KCNN2: variants seen among roughly 807,000 people sequenced by gnomAD.
The protein encoded by KCNN2 is small conductance calcium-activated potassium channel protein 2.
Under a neutral mutation model 55.5 loss-of-function variants are expected in KCNN2, and 24 were observed. That is an observed-to-expected ratio of 0.43 (90% CI 0.31 to 0.61). The LOEUF (loss-of-function observed/expected upper bound fraction) is 0.61. Ranked by LOEUF, KCNN2 falls within the 20% of genes least tolerant of loss-of-function variation. The pLI, the probability that KCNN2 is intolerant of heterozygous loss-of-function variation, is 0.08. For missense variants in KCNN2, 754 were observed against 853.6 expected, an observed-to-expected ratio of 0.88 and a Z score of 1.45; for synonymous variants, 431 against 336.1, an observed-to-expected ratio of 1.28 and a Z score of -3.09.
chr5:114,123,847 G>C (rs1374201530), intron 1 of KCNN2, among the ~76,000 whole-genome samples: 1 of 151,974 alleles, frequency 6.6e-6, no homozygotes, highest in African/African-American at 2.4e-5. Flanking sequence ...TGTCCCCTTG[G>C]GGACTCCCTG....
At chr5:114,460,135 A>T (rs1761125272) in intron 3 of KCNN2, among the ~76,000 whole-genome samples, 1 of 152,184 alleles carries the variant, frequency 6.6e-6, no homozygotes, top group Admixed American at 6.5e-5. Flanking sequence ...ACGGCCATGA[A>T]GGTACCCCCT....
intron 1 of KCNN2, among the ~76,000 whole-genome samples, chr5:114,173,709 C>T (rs1174519433): frequency 6.6e-6 from 1 of 150,728 alleles, no homozygotes; most frequent in Non-Finnish European, 1.5e-5. Context: ...TCCTTTAGTT[C>T]TTTTGTTAAT....
intron 2 of KCNN2, among the ~76,000 whole-genome samples, chr5:114,284,085 A>G (rs1345469477): frequency 2.6e-5 from 4 of 152,138 alleles, no homozygotes; most frequent in Non-Finnish European, 2.9e-5. Flanking sequence ...TTTTCACTTT[A>G]AAGAACTCCA....
intron 2 of KCNN2, among the ~76,000 whole-genome samples, chr5:114,266,346 TG>T (rs1755206911): frequency 6.6e-6 from 1 of 152,156 alleles, no homozygotes; most frequent in Non-Finnish European, 1.5e-5. Context: ...TATTCTGGTG[TG>T]GGTTTTAGAC....
chr5:114,163,354 T>C (rs1752835575), intron 1 of KCNN2, among the ~76,000 whole-genome samples: 1 of 152,164 alleles, frequency 6.6e-6, no homozygotes, highest in South Asian at 2.1e-4. Context: ...AGAAAGGGCA[T>C]CCTTGTGGCA....
At chr5:114,337,664 G>A (rs926562143) in intron 2 of KCNN2, among the ~76,000 whole-genome samples, 2 of 152,102 alleles carry the variant, frequency 1.3e-5, no homozygotes, top group African/African-American at 4.8e-5. Flanking sequence ...ATAATATCAA[G>A]TTGGTCTTGG....
At chr5:114,458,327 C>T (rs1761021988) in intron 3 of KCNN2, among the ~76,000 whole-genome samples, 1 of 152,176 alleles carries the variant, frequency 6.6e-6, no homozygotes, top group Non-Finnish European at 1.5e-5. Context: ...CTGTTAACCT[C>T]CACGACTGAA....
At chr5:114,370,819 C>T (rs896418668) in intron 2 of KCNN2, among the ~76,000 whole-genome samples, 33 of 151,988 alleles carry the variant, frequency 2.2e-4, no homozygotes, top group Non-Finnish European at 1.9e-4. Context: ...ATGGATTCCG[C>T]CCCCCACCCC....
At chr5:114,152,794 G>A (rs1752553528) in intron 1 of KCNN2, among the ~76,000 whole-genome samples, 1 of 152,128 alleles carries the variant, frequency 6.6e-6, no homozygotes, top group Admixed American at 6.6e-5. Context: ...ACACGTGTCT[G>A]GAAGAGATGC....
At chr5:114,318,755 T>C (rs1756553053) in intron 2 of KCNN2, among the ~76,000 whole-genome samples, 1 of 152,150 alleles carries the variant, frequency 6.6e-6, no homozygotes, top group Non-Finnish European at 1.5e-5. Flanking sequence ...GTATAAATCA[T>C]AGTTACAGTT....
At chr5:114,488,958 G>A (rs1001112139) in intron 6 of KCNN2, 1 of 152,146 alleles carries the variant, frequency 6.6e-6, no homozygotes, top group African/African-American at 2.4e-5. Flanking sequence ...AGCAAGTGTG[G>A]TCGGTCTGTG....
At chr5:114,338,265 TAGTA>T (rs528601675) in intron 2 of KCNN2, among the ~76,000 whole-genome samples, 1 of 152,308 alleles carries the variant, frequency 6.6e-6, no homozygotes, top group Non-Finnish European at 1.5e-5. Context: ...GGACTTGAAT[TAGTA>T]ATAAGCACAG....
chr5:114,432,977 C>T (rs1360890621), intron 3 of KCNN2, among the ~76,000 whole-genome samples: 1 of 152,188 alleles, frequency 6.6e-6, no homozygotes, highest in Non-Finnish European at 1.5e-5. Flanking sequence ...CCTCCATGGG[C>T]TCCTGTGCGG....
intron 1 of KCNN2, among the ~76,000 whole-genome samples, chr5:114,176,816 C>G (rs1393887393): frequency 6.6e-6 from 1 of 152,112 alleles, no homozygotes; most frequent in Non-Finnish European, 1.5e-5. Context: ...TGAATAATAA[C>G]TTTTGGAGAT....
intron 2 of KCNN2, among the ~76,000 whole-genome samples, chr5:114,355,870 T>A (rs1375194388): frequency 2.6e-5 from 4 of 152,166 alleles, no homozygotes; most frequent in African/African-American, 9.6e-5. Flanking sequence ...TCTGTATTTT[T>A]AAAATACATT....
At chr5:114,160,111 G>A (rs1205583569) in intron 1 of KCNN2, among the ~76,000 whole-genome samples, 1 of 152,026 alleles carries the variant, frequency 6.6e-6, no homozygotes, top group Non-Finnish European at 1.5e-5. Flanking sequence ...GTCAATTTTA[G>A]GTCTTTCCTG....
At chr5:114,276,645 T>C (rs534583065) in intron 2 of KCNN2, among the ~76,000 whole-genome samples, 152 of 139,562 alleles carry the variant, frequency 1.1e-3, no homozygotes, top group Non-Finnish European at 1.7e-3. Context: ...GAGACCAGTA[T>C]TGCAACCCCT....
chr5:114,453,760 A>G (rs138580235), intron 3 of KCNN2, among the ~76,000 whole-genome samples: 42 of 152,112 alleles, frequency 2.8e-4, no homozygotes, highest in African/African-American at 9.9e-4. Context: ...CTTTTTCATC[A>G]TAAGTTGGTG....
At chr5:114,127,427 C>G (rs1022138761) in intron 1 of KCNN2, among the ~76,000 whole-genome samples, 3 of 152,212 alleles carry the variant, frequency 2.0e-5, no homozygotes, top group Non-Finnish European at 4.4e-5. Context: ...CTTGCACCCT[C>G]TGAAGCCATG....
Sources: gnomAD v4.1 joint callset for allele counts (sites outside exome capture counted in the v4.1 genomes callset) on GRCh38, gnomAD v4.1.1 for gene constraint, MANE v1.5 for transcripts, NCBI Gene and HGNC (gene_info 2026-07-23, HGNC 2026-07-21) for gene names.